ACP1: variants seen among roughly 807,000 people sequenced by gnomAD.
The protein encoded by ACP1 is acid phosphatase 1.
ACP1 carries 23 observed loss-of-function variants against 23.4 expected under a neutral mutation model. The observed-to-expected ratio is 0.98, with a 90% confidence interval of 0.71 to 1.39. The LOEUF is 1.39. Among genes scored for constraint, ACP1 ranks in the 40% most tolerant of loss-of-function variants. The probability of loss-of-function intolerance (pLI) is 0.00; values close to 1 mark genes in which losing one functional copy is unlikely to be tolerated. For missense variants in ACP1, 180 were observed against 197.7 expected, an observed-to-expected ratio of 0.91 and a Z score of 0.54; for synonymous variants, 72 against 67.2, an observed-to-expected ratio of 1.07 and a Z score of -0.35.
rs769672175 is a variant in ACP1 at position 275,167 on chromosome 2, G to C, written c.259G>C (p.Asp87His). 1 of 1,543,844 alleles carries C rather than the reference G, an allele frequency of 6.5e-7. No homozygotes were observed. The highest frequency in any genetic ancestry group is 1.7e-5 in the Admixed American group (1 of 59,210). ...QITKEDFATF[D>H]YILCMDESNL... ...TACCAAAGAAGATTTTGCCACATTT[G>C]ATTATATACTATGTATGGATGAAAG... is the stretch of plus-strand genomic sequence containing the variant. The change falls in exon 4 of 6, where the codon GAT becomes CAT. Residue 87 changes from aspartate to histidine, a missense_variant. By Grantham distance (81) the Asp-to-His change is moderately conservative. Coordinates refer to ENST00000272065, the MANE Select transcript of ACP1 (RefSeq NM_004300.4).
Position 277,420 on chromosome 2 carries a change from GACTT to G in ACP1, c.*120_*123del, listed in dbSNP as rs1370116094. The G allele has an allele frequency of 4.1e-5, 36 of 874,152 alleles. No homozygotes were observed. The highest frequency in any genetic ancestry group is 5.8e-5 in the Admixed American group (3 of 51,526). 54.1% of individuals were successfully genotyped at this position (874,152 alleles called of 1,614,324 possible). ...CCAAAGCCCAGCTCTTTGTTCAGTTGACTTACTGTTTCTTACCTTAAAAAGTAAT... is the reference window on the plus strand; with the variant it reads ...CCAAAGCCCAGCTCTTTGTTCAGTTGACTGTTTCTTACCTTAAAAAGTAAT... On this transcript the variant is annotated 3_prime_UTR_variant, in exon 6 of 6. Coordinates refer to ENST00000272065, the MANE Select transcript of ACP1 (RefSeq NM_004300.4).
intron 4 of ACP1, 126 bp from the exon 5 acceptor site, chr2:276,854 G>A (rs1250434302): frequency 6.2e-6 from 4 of 641,276 alleles, no homozygotes; most frequent in East Asian, 2.8e-5. Context: ...TGAGTGTTCC[G>A]TTTCATTTCA....
At chr2:265,244 C>A in intron 1 of ACP1, 1 of 491,934 alleles carries the variant, frequency 2.0e-6, no homozygotes. Flanking sequence ...ATCCGGGGCT[C>A]TTGGCATCTG....
rs1281986102 is a variant in ACP1, at chr2:275,136, T to C, written c.232-4T>C. The C allele has an allele frequency of 5.4e-6, 8 of 1,483,734 alleles. No homozygotes were observed. Among genetic ancestry groups the C allele is most frequent in the Non-Finnish European group, 7.4e-6 (8 of 1,075,576 alleles). The allele number at this position is 1,483,734 out of a possible 1,614,324, so 91.9% of individuals were successfully genotyped here. A position where few individuals can be genotyped will look rare whatever the true frequency, so the allele number is the denominator to read the frequency against. ...CTGTGTTTTGACTTCTTATTCAATTTTAGATTACCAAAGAAGATTTTGCCA... is the reference window on the plus strand; with the variant it reads ...CTGTGTTTTGACTTCTTATTCAATTCTAGATTACCAAAGAAGATTTTGCCA... On this transcript the variant is annotated splice_polypyrimidine_tract_variant and splice_region_variant and intron_variant, in intron 3 of 5. Transcript: ENST00000272065.
intron 1 of ACP1, among the ~76,000 whole-genome samples, chr2:270,360 T>C (rs1191358271): frequency 6.6e-6 from 1 of 152,216 alleles, no homozygotes; most frequent in Non-Finnish European, 1.5e-5. Flanking sequence ...TTCCAGACAC[T>C]GGCTCTCTGT....
chr2:274,171 AAAAG>A (rs1177758742), intron 3 of ACP1, among the ~76,000 whole-genome samples: 2 of 152,174 alleles, frequency 1.3e-5, no homozygotes, highest in Non-Finnish European at 1.5e-5. Flanking sequence ...TCTAAAAACA[AAAAG>A]AAAAAATTCA....
intron 2 of ACP1, 24 bp from the exon 3 acceptor site, chr2:272,013 A>AC: frequency 6.2e-7 from 1 of 1,606,256 alleles, no homozygotes; most frequent in Non-Finnish European, 8.5e-7. Context: ...AAAAAAAAAA[A>AC]ATTCCATGTT....
At position 277,356 on chromosome 2, in the gene ACP1, C is replaced by A; in HGVS notation, c.*52C>A. On this transcript the variant is annotated 3_prime_UTR_variant, in exon 6 of 6. Coordinates refer to ENST00000272065, the MANE Select transcript of ACP1 (RefSeq NM_004300.4). ...GCCTGACTAGACCCCACCCTGAGGT[C>A]CTGCATTTCTCAGTCGGTGTGTAAT... 6.6e-7 allele frequency: 1 copy of A among 1,517,422 alleles called. No homozygotes were observed. Among genetic ancestry groups the A allele is most frequent in the South Asian group, 1.1e-5 (1 of 89,128 alleles). 94.0% of individuals were successfully genotyped at this position (1,517,422 alleles called of 1,614,324 possible).
At chr2:273,073 CCTT>C (rs1670089225) in intron 3 of ACP1, 1 of 154,348 alleles carries the variant, frequency 6.5e-6, no homozygotes, top group Admixed American at 6.5e-5. Flanking sequence ...GCTGTGAAGT[CCTT>C]CTTGCTGCAT....
rs11553742 is a variant in ACP1 at position 272,051 on chromosome 2, C to T, written c.132C>T (p.Ser44=). 75,501 of 1,613,538 alleles carry T rather than the reference C, an allele frequency of 0.047. 2,083 individuals are homozygous for T. The highest frequency in any genetic ancestry group is 0.054 in the Non-Finnish European group (63,730 of 1,179,866). ...TTCCCCTGCAGTGGAGGGTAGACAG[C>T]GCGGCAACTTCCGGGTATGAGATAG... is the stretch of plus-strand genomic sequence containing the variant. The part of the protein sequence containing the change: ...QNISENWRVD[S]AATSGYEIGN... The change falls in exon 3 of 6, where the codon AGC becomes AGT. Residue 44 remains serine, a synonymous_variant. Coordinates refer to ENST00000272065, the MANE Select transcript of ACP1 (RefSeq NM_004300.4).
Position 277,394 on chromosome 2 carries a change from C to A in ACP1, c.*90C>A. ...GTCGGTGTGTAATCACGTTCCAGGGCCCAAAGCCCAGCTCTTTGTTCAGTT... is the reference window on the plus strand; with the variant it reads ...GTCGGTGTGTAATCACGTTCCAGGGACCAAAGCCCAGCTCTTTGTTCAGTT... On this transcript the variant is annotated 3_prime_UTR_variant, in exon 6 of 6. Coordinates refer to ENST00000272065, the MANE Select transcript of ACP1 (RefSeq NM_004300.4). 9.0e-7 allele frequency: 1 copy of A among 1,109,910 alleles called. No homozygotes were observed. Among genetic ancestry groups the A allele is most frequent in the African/African-American group, 1.5e-5 (1 of 65,382 alleles). 68.8% of individuals were successfully genotyped at this position (1,109,910 alleles called of 1,614,324 possible).
chr2:267,707 T>G (rs1169416615), intron 1 of ACP1, among the ~76,000 whole-genome samples: 1 of 152,234 alleles, frequency 6.6e-6, no homozygotes, highest in Non-Finnish European at 1.5e-5. Flanking sequence ...AGTGCTTCCA[T>G]TGTAGATGTA....
chr2:272,003 A>G (rs1170941187), intron 2 of ACP1, 34 bp from the exon 3 acceptor site: 19 of 1,608,698 alleles, frequency 1.2e-5, no homozygotes, highest in Non-Finnish European at 1.4e-5. Flanking sequence ...AATTGCAAAA[A>G]AAAAAAAAAA....
In ACP1 at chr2:277,706, G is replaced by C. The variant is rs1309539131; in HGVS notation, c.*402G>C. On this transcript the variant is annotated 3_prime_UTR_variant, in exon 6 of 6. Coordinates refer to ENST00000272065, the MANE Select transcript of ACP1 (RefSeq NM_004300.4). ...TTTGTGTGGATGGCCTGGAGGGCAG[G>C]TGCCCTCTGCTCCCCAGTGCTACCT... is the stretch of plus-strand genomic sequence containing the variant. 4.3e-6 allele frequency: 1 copy of C among 231,154 alleles called. No individual in the cohort carries two copies. The highest frequency in any genetic ancestry group is 2.3e-5 in the African/African-American group (1 of 44,440). 14.3% of individuals were successfully genotyped at this position (231,154 alleles called of 1,614,324 possible).
In ACP1 at chr2:266,793, GT is replaced by G. The variant is rs201375510; in HGVS notation, c.43+1796del. Among the ~76,000 whole-genome samples, 15 of 150,348 alleles carry G rather than the reference GT, an allele frequency of 1.0e-4. No individual in the cohort carries two copies. In the East Asian group the frequency reaches 1.9e-3, roughly 19 times the overall value. ...GTAGATCTTAGTAACCTCGGTATAA[GT>G]TTTTTTTTTCTTTCCATAAGAAGTC... On this transcript the variant is annotated intron_variant, in intron 1 of 5. Transcript: ENST00000272065.
Position 272,103 on chromosome 2 carries a change from A to G in ACP1, c.184A>G (p.Ser62Gly). ...GAACCCCCCTGACTACCGAGGGCAG[A>G]GCTGCATGAAGAGGCACGGCATTCC... ...IGNPPDYRGQ[S>G]CMKRHGIPMS... The change falls in exon 3 of 6, where the codon AGC (serine) becomes GGC (glycine). Residue 62 changes from serine to glycine, a missense_variant. This residue lies in a region of ACP1 where 132 missense variants were observed against 124.1 expected (regional missense o/e 1.06). Transcript: ENST00000272065. 6.2e-7 allele frequency: 1 copy of G among 1,614,144 alleles called. No homozygotes were observed. The highest frequency in any genetic ancestry group is 8.5e-7 in the Non-Finnish European group (1 of 1,180,036).
intron 1 of ACP1, among the ~76,000 whole-genome samples, chr2:267,795 T>G (rs1357810250): frequency 6.6e-6 from 1 of 152,212 alleles, no homozygotes; most frequent in Non-Finnish European, 1.5e-5. Context: ...AGAACCAGAT[T>G]ATAATTATTT....
In ACP1 at chr2:278,205, T is replaced by G. The variant is rs1001509690; in HGVS notation, c.*901T>G. ...ATAGGCAGATGTAAGGTAATTTCTG[T>G]GTATTTTGAGATAATGTCAAAATCA... On this transcript the variant is annotated 3_prime_UTR_variant, in exon 6 of 6. Transcript: ENST00000272065. The G allele has an allele frequency of 4.6e-5, 7 of 152,246 alleles. No individual in the cohort carries two copies. Among genetic ancestry groups the G allele is most frequent in the African/African-American group, 1.7e-4 (7 of 41,470 alleles). The allele number at this position is 152,246 out of a possible 1,614,324, so 9.4% of individuals were successfully genotyped here.
At position 272,970 on chromosome 2, in the gene ACP1, A is replaced by G. The variant is rs185523424; in HGVS notation, c.231+820A>G. On this transcript the variant is annotated intron_variant, in intron 3 of 5. Transcript: ENST00000272065. ...ATTTTTATACAATTTATCCATCCTC[A>G]TCTCTTCAGGATTTGCATACCTTGC... 356 of 154,550 alleles carry G rather than the reference A, an allele frequency of 2.3e-3. 2 individuals carry two copies. Among genetic ancestry groups the G allele is most frequent in the Non-Finnish European group, 2.5e-3 (172 of 68,318 alleles). The allele number at this position is 154,550 out of a possible 1,614,324, so 9.6% of individuals were successfully genotyped here.
Sources: gnomAD v4.1 joint callset for allele counts (sites outside exome capture counted in the v4.1 genomes callset) on GRCh38, gnomAD v4.1.1 for gene constraint, gnomAD v4.1.1 regional missense constraint, MANE v1.5 for transcripts, NCBI Gene and HGNC (gene_info 2026-07-23, HGNC 2026-07-21) for gene names.